The following CPNE5 variants were observed in gnomAD, a reference collection of about 807,000 sequenced individuals.
The protein encoded by CPNE5 is copine 5.
In CPNE5, 42 loss-of-function variants were observed where a neutral mutation model predicts 81.1. The observed-to-expected ratio is 0.52, with a 90% CI of 0.40 to 0.67. The LOEUF (loss-of-function observed/expected upper bound fraction) is 0.67. Among genes scored for constraint, CPNE5 ranks in the 30% least tolerant of loss-of-function variants. The probability of loss-of-function intolerance (pLI) is 0.00; values close to 1 mark genes in which losing one functional copy is unlikely to be tolerated. For missense variants in CPNE5, 612 were observed against 815.5 expected (o/e 0.75, Z 3.04); for synonymous variants, 313 against 321.5 (o/e 0.97, Z 0.28).
chr6:36,774,375 C>G (rs770834971), intron 10 of CPNE5, among the ~76,000 whole-genome samples: 1 of 152,218 alleles, frequency 6.6e-6, no homozygotes, highest in African/African-American at 2.4e-5. Context: ...GGTGACTGAG[C>G]GAGACCCTGT....
intron 3 of CPNE5, among the ~76,000 whole-genome samples, chr6:36,812,493 C>G (rs1407718834): frequency 6.6e-6 from 1 of 152,180 alleles, no homozygotes; most frequent in Non-Finnish European, 1.5e-5. Context: ...CTACCACAGT[C>G]CACTAAGCAG....
intron 3 of CPNE5, among the ~76,000 whole-genome samples, chr6:36,814,479 C>A (rs1771364064): frequency 6.6e-6 from 1 of 152,170 alleles, no homozygotes; most frequent in Non-Finnish European, 1.5e-5. Context: ...GCTATTTGGA[C>A]AGCAACTCAT....
Position 36,828,870 on chromosome 6 carries a change from A to C in CPNE5, c.96-5772T>G, listed in dbSNP as rs559236879. Among the ~76,000 whole-genome samples, 3 of 152,330 alleles carry C rather than the reference A, an allele frequency of 2.0e-5. No homozygotes were observed. In the South Asian group the frequency reaches 6.2e-4, roughly 32 times the overall value. On this transcript the variant is annotated intron_variant, in intron 1 of 20. Transcript: ENST00000244751. Reference sequence around the variant, plus strand: ...CACCCAACTCTGTCCCTTACTTGCTATATGACCTCTGGCATGTCATTTAGC... The same window carrying C: ...CACCCAACTCTGTCCCTTACTTGCTCTATGACCTCTGGCATGTCATTTAGC...
At chr6:36,817,362 T>C (rs1382784320) in intron 3 of CPNE5, among the ~76,000 whole-genome samples, 1 of 152,166 alleles carries the variant, frequency 6.6e-6, no homozygotes, top group Non-Finnish European at 1.5e-5. Flanking sequence ...TGAAACAGCA[T>C]GTGCCCTAGG....
At chr6:36,788,138 C>T (rs530613303) in intron 8 of CPNE5, among the ~76,000 whole-genome samples, 63 of 151,848 alleles carry the variant, frequency 4.1e-4, no homozygotes, top group African/African-American at 1.4e-3. Context: ...TCAAGTGACC[C>T]TCCTACCCCA....
chr6:36,742,761 C>G lies in CPNE5; in HGVS notation c.1564-275G>C, dbSNP rs191443674. The G allele has an allele frequency of 3.3e-3, 3,289 of 985,448 alleles. 8 individuals are homozygous for G. Among genetic ancestry groups the G allele is most frequent in the Admixed American group, 4.4e-3 (72 of 16,280 alleles). The allele number at this position is 985,448 out of a possible 1,614,324, so 61.0% of individuals were successfully genotyped here. ...ACACCACTGAACACGATTTCTCCAC[C>G]TCGGCACTAAGCACAGGCTCTGAGT... is the stretch of plus-strand genomic sequence containing the variant. On this transcript the variant is annotated intron_variant, in intron 20 of 20. Transcript: ENST00000244751.
chr6:36,744,954 T>C (rs915388807), intron 18 of CPNE5, 94 bp downstream of exon 18: 2 of 852,166 alleles, frequency 2.3e-6, no homozygotes, highest in African/African-American at 3.3e-5. Flanking sequence ...AGCATTTCCC[T>C]AAGGTCAAGG....
chr6:36,754,559 C>T (rs886291380), intron 13 of CPNE5: 5 of 152,178 alleles, frequency 3.3e-5, no homozygotes, highest in Non-Finnish European at 1.5e-5. Context: ...CTGGCCTGGG[C>T]GTCTGTATTT....
intron 3 of CPNE5, among the ~76,000 whole-genome samples, chr6:36,817,385 G>C (rs1771640186): frequency 6.6e-6 from 1 of 152,144 alleles, no homozygotes; most frequent in African/African-American, 2.4e-5. Flanking sequence ...TGGCCCACGT[G>C]GCTGAGCTCT....
At chr6:36,838,552 G>A (rs1250013217) in intron 1 of CPNE5, 4 of 157,450 alleles carry the variant, frequency 2.5e-5, no homozygotes, top group South Asian at 2.0e-4. Flanking sequence ...AGATTTGGGC[G>A]TGGTAGCCCA....
intron 3 of CPNE5, among the ~76,000 whole-genome samples, chr6:36,806,219 C>A (rs1388526797): frequency 6.6e-6 from 1 of 152,208 alleles, no homozygotes; most frequent in African/African-American, 2.4e-5. Flanking sequence ...CTGCCCGCCC[C>A]AGCTCCAGTC....
intron 3 of CPNE5, among the ~76,000 whole-genome samples, chr6:36,805,260 C>CAA (rs138591008): frequency 0.027 from 4,186 of 152,364 alleles, 202 homozygotes; most frequent in African/African-American, 0.093. Flanking sequence ...TGCTGTGCAG[C>CAA]AAATCCTGCT....
intron 10 of CPNE5, among the ~76,000 whole-genome samples, chr6:36,768,984 A>G (rs2150432851): frequency 6.6e-6 from 1 of 152,324 alleles, no homozygotes; most frequent in South Asian, 2.1e-4. Context: ...CTCCACGTAC[A>G]GTCAGCGCTG....
intron 1 of CPNE5, among the ~76,000 whole-genome samples, chr6:36,834,383 C>T (rs994072911): frequency 8.0e-5 from 12 of 149,916 alleles, no homozygotes; most frequent in Admixed American, 3.3e-4. Flanking sequence ...GGGCTGGGTG[C>T]GGTAGCTCAT....
chr6:36,763,096 G>GAGTGGAGTCCCAGGTA, intron 11 of CPNE5, 104 bp from the exon 12 acceptor site: 1 of 992,262 alleles, frequency 1.0e-6, no homozygotes, highest in Non-Finnish European at 1.6e-6. Flanking sequence ...ATTCTACCTG[G>GAGTGGAGTCCCAGGTA]GACTCCACTC....
In CPNE5 at chr6:36,744,339, T is replaced by TG; in HGVS notation, c.1432-15dup. ...GAGCTTGGCAGCCTGGGAGACAGCA[T>TG]GGGGGGCAGGGAAAGGTTGGACCCA... On this transcript the variant is annotated splice_polypyrimidine_tract_variant and intron_variant, in intron 18 of 20. Transcript: ENST00000244751. 1 of 1,575,682 alleles carries TG rather than the reference T, an allele frequency of 6.3e-7. No individual in the cohort carries two copies. The highest frequency in any genetic ancestry group is 8.6e-7 in the Non-Finnish European group (1 of 1,160,656).
chr6:36,789,126 G>T (rs1209807760), intron 8 of CPNE5, among the ~76,000 whole-genome samples: 1 of 152,186 alleles, frequency 6.6e-6, no homozygotes, highest in African/African-American at 2.4e-5. Flanking sequence ...TCCTTGCAAG[G>T]ATTCTAGGGA....
chr6:36,744,150 TCA>T, intron 19 of CPNE5, 116 bp downstream of exon 19: 4 of 857,764 alleles, frequency 4.7e-6, no homozygotes, highest in East Asian at 5.3e-5. Context: ...GCGGGAGCTC[TCA>T]CTCTTTTGGG....
chr6:36,805,504 C>T (rs1388879951), intron 3 of CPNE5, among the ~76,000 whole-genome samples: 1 of 152,154 alleles, frequency 6.6e-6, no homozygotes. Context: ...TGAAGGATGC[C>T]CAAGCAATCT....
Sources: gnomAD v4.1 joint callset for allele counts (sites outside exome capture counted in the v4.1 genomes callset) on GRCh38, gnomAD v4.1.1 for gene constraint, MANE v1.5 for transcripts, NCBI Gene and HGNC (gene_info 2026-07-23, HGNC 2026-07-21) for gene names.